WDR37: variants seen among roughly 807,000 people sequenced by gnomAD.
The protein encoded by WDR37 is WD repeat domain 37, also known as WD repeat-containing protein 37.
Under a neutral mutation model 62.9 loss-of-function variants are expected in WDR37, and 19 were observed. That is an observed-to-expected ratio of 0.30 (90% confidence interval 0.21 to 0.44). WDR37 has a LOEUF of 0.44. Among genes scored for constraint, WDR37 ranks in the 20% least tolerant of loss-of-function variants. The probability of loss-of-function intolerance (pLI) is 1.00; values close to 1 mark genes in which losing one functional copy is unlikely to be tolerated. For missense variants in WDR37, 474 were observed against 657.6 expected, an observed-to-expected ratio of 0.72 and a Z score of 3.05; for synonymous variants, 250 against 260.9, an observed-to-expected ratio of 0.96 and a Z score of 0.40.
At chr10:1,077,767 T>C (rs1833922139) in intron 2 of WDR37, 140 bp from the exon 3 acceptor site, 1 of 681,156 alleles carries the variant, frequency 1.5e-6, no homozygotes, top group South Asian at 2.1e-5. Context: ...CTTTAAACTC[T>C]TTAAGCATTT....
rs1216817348 is a variant in WDR37, at chr10:1,132,243, CTA to C, written c.*2904_*2905del. The stretch of plus-strand genomic sequence containing the variant: ...TGCTTTGGTGAAACATTGTGAATGA[CTA>C]TATAAACATCACGATGAGCTAGAAA... On this transcript the variant is annotated 3_prime_UTR_variant, in exon 14 of 14. Transcript: ENST00000263150. The C allele has an allele frequency of 3.3e-5, 5 of 152,076 alleles. No homozygotes were observed. Among genetic ancestry groups the C allele is most frequent in the African/African-American group, 1.2e-4 (5 of 41,390 alleles). The allele number at this position is 152,076 out of a possible 1,614,324, so 9.4% of individuals were successfully genotyped here.
intron 7 of WDR37, among the ~76,000 whole-genome samples, chr10:1,087,006 C>T (rs908747448): frequency 7.9e-5 from 12 of 152,254 alleles, no homozygotes; most frequent in Non-Finnish European, 1.6e-4. Flanking sequence ...GTGGCATCGC[C>T]TGTGTGCACA....
Position 1,129,453 on chromosome 10 carries a change from G to C in WDR37, c.*109G>C. ...TTTGTGAGAGTTTGACCCTGGAAAG[G>C]GTGCTTTGTATATGTTCTTTTCACA... On this transcript the variant is annotated 3_prime_UTR_variant, in exon 14 of 14. Coordinates refer to ENST00000263150, the MANE Select transcript of WDR37 (RefSeq NM_014023.4). 1 of 1,500,208 alleles carries C rather than the reference G, an allele frequency of 6.7e-7. No homozygotes were observed. Among genetic ancestry groups the C allele is most frequent in the Non-Finnish European group, 9.0e-7 (1 of 1,105,018 alleles). 92.9% of individuals were successfully genotyped at this position (1,500,208 alleles called of 1,614,324 possible).
chr10:1,082,436 C>G (rs968406801), intron 5 of WDR37, among the ~76,000 whole-genome samples: 1 of 152,196 alleles, frequency 6.6e-6, no homozygotes, highest in African/African-American at 2.4e-5. Context: ...TTATAAAAAT[C>G]AGAAAGGGCT....
chr10:1,083,540 CATT>C (rs1263434307), intron 5 of WDR37, among the ~76,000 whole-genome samples: 1 of 152,204 alleles, frequency 6.6e-6, no homozygotes, highest in Non-Finnish European at 1.5e-5. Context: ...GAAAAGTCTA[CATT>C]ATTCTGATTT....
intron 7 of WDR37, 32 bp from the exon 8 acceptor site, chr10:1,093,420 A>T: frequency 6.3e-7 from 1 of 1,574,908 alleles, no homozygotes; most frequent in Non-Finnish European, 8.7e-7. Context: ...TTGTCACTTT[A>T]AACCTGTTTT....
At chr10:1,087,140 C>T (rs1834228239) in intron 7 of WDR37, among the ~76,000 whole-genome samples, 1 of 152,264 alleles carries the variant, frequency 6.6e-6, no homozygotes, top group Admixed American at 6.5e-5. Flanking sequence ...GCCATTCCTG[C>T]TGTCACAGTG....
rs1334420094 is a variant in WDR37 at position 1,069,322 on chromosome 10, A to G, written c.-40-2794A>G. On this transcript the variant is annotated intron_variant, in intron 1 of 13. Coordinates refer to ENST00000263150, the MANE Select transcript of WDR37 (RefSeq NM_014023.4). ...CTTAGGTTCACATAAAACCCTGTAT[A>G]TTATTGTTCATGGCAACTTTATTAG... Among the ~76,000 whole-genome samples, 3 of 146,944 alleles carry G rather than the reference A, an allele frequency of 2.0e-5. 1 individual carries two copies. Among genetic ancestry groups the G allele is most frequent in the South Asian group, 4.3e-4 (2 of 4,650 alleles).
At chr10:1,125,119 C>G in intron 13 of WDR37, 95 bp downstream of exon 13, 3 of 1,492,944 alleles carry the variant, frequency 2.0e-6, no homozygotes, top group South Asian at 1.3e-5. Context: ...TCTTTGCATG[C>G]TAAGTTTTCC....
chr10:1,074,548 C>G (rs746455306), intron 2 of WDR37: 2 of 1,302,084 alleles, frequency 1.5e-6, no homozygotes, highest in Middle Eastern at 2.3e-4. Context: ...TCCCCCTGCC[C>G]TGGGCGGGAG....
At chr10:1,074,167 G>A (rs1833800562) in intron 2 of WDR37, among the ~76,000 whole-genome samples, 1 of 152,230 alleles carries the variant, frequency 6.6e-6, no homozygotes, top group Non-Finnish European at 1.5e-5. Flanking sequence ...ATTGGACAGT[G>A]TGAGTAAGCA....
chr10:1,092,179 C>CAAAAA (rs1216415362), intron 7 of WDR37, among the ~76,000 whole-genome samples: 1 of 68,838 alleles, frequency 1.5e-5, no homozygotes, highest in Non-Finnish European at 2.8e-5. Context: ...GACTCCGTCT[C>CAAAAA]AAAAAAAAAA....
At position 1,105,370 on chromosome 10, in the gene WDR37, ACTATCTTTC is replaced by A; in HGVS notation, c.1103+104_1103+112del. 2 of 1,364,496 alleles carry A rather than the reference ACTATCTTTC, an allele frequency of 1.5e-6. No individual in the cohort carries two copies. The highest frequency in any genetic ancestry group is 2.6e-5 in the Admixed American group (1 of 38,804). 84.5% of individuals were successfully genotyped at this position (1,364,496 alleles called of 1,614,324 possible). The stretch of plus-strand genomic sequence containing the variant: ...CTTAATTTTCAGTATTTCCGACTCT[ACTATCTTTC>A]AAAAAAATAACTACCTTTCAAATTC... On this transcript the variant is annotated intron_variant, in intron 11 of 13. Transcript: ENST00000263150. The surrounding 1 kb of genome is among the most constrained non-coding windows in gnomAD (Gnocchi z 5.3).
intron 9 of WDR37, among the ~76,000 whole-genome samples, chr10:1,102,795 T>C (rs1265444800): frequency 1.3e-5 from 2 of 152,212 alleles, no homozygotes; most frequent in African/African-American, 4.8e-5. Context: ...TACTTGTGTA[T>C]ATATGACATA....
chr10:1,082,644 A>G (rs1834065200), intron 5 of WDR37, among the ~76,000 whole-genome samples: 1 of 152,224 alleles, frequency 6.6e-6, no homozygotes, highest in Non-Finnish European at 1.5e-5. Context: ...CTTGGTAATG[A>G]CGACTAAGTC....
chr10:1,099,324 G>A (rs1005821840), intron 9 of WDR37, among the ~76,000 whole-genome samples: 3 of 152,226 alleles, frequency 2.0e-5, no homozygotes, highest in Non-Finnish European at 4.4e-5. Flanking sequence ...ACAGTGCCAG[G>A]CAGACAGTGT....
chr10:1,101,899 C>A (rs959100297), intron 9 of WDR37, among the ~76,000 whole-genome samples: 1 of 152,212 alleles, frequency 6.6e-6, no homozygotes, highest in African/African-American at 2.4e-5. Context: ...TATTTTACTT[C>A]ATAGAAGTTA....
intron 1 of WDR37, among the ~76,000 whole-genome samples, chr10:1,069,387 A>ATTTTTTTTTTTTTTTTTTTTTTTTTT (rs1368989652): frequency 9.9e-5 from 3 of 30,440 alleles, no homozygotes; most frequent in African/African-American, 1.6e-4. Context: ...ATATATATAT[A>ATTTTTTTTTTTTTTTTTTTTTTTTTT]TATTTTTTTT....
chr10:1,124,657 A>AGTGTGT (rs10522293), intron 12 of WDR37, among the ~76,000 whole-genome samples: 28 of 149,182 alleles, frequency 1.9e-4, no homozygotes, highest in African/African-American at 6.7e-4. Context: ...ACCATTGAGC[A>AGTGTGT]GTGTGTGTGT....
Sources: allele counts gnomAD v4.1 joint callset (sites outside exome capture counted in the v4.1 genomes callset), GRCh38; gene constraint gnomAD v4.1.1; non-coding constraint Gnocchi (gnomAD v3.1); transcripts MANE v1.5; gene names NCBI Gene and HGNC (gene_info 2026-07-23, HGNC 2026-07-21).